Variants in ARHGEF10L observed in about 807,000 individuals in gnomAD.
ARHGEF10L encodes Rho guanine nucleotide exchange factor 10 like, also known as rho guanine nucleotide exchange factor 10-like protein.
Under a neutral mutation model 141.2 loss-of-function variants are expected in ARHGEF10L, and 69 were observed. The observed-to-expected ratio is 0.49, with a 90% CI of 0.40 to 0.60. The LOEUF (loss-of-function observed/expected upper bound fraction) is 0.60, where lower values mean the gene tolerates loss of function less well. ARHGEF10L is among the 20% of genes least tolerant of loss of function. The pLI, the probability that ARHGEF10L is intolerant of heterozygous loss-of-function variation, is 0.00. For synonymous variants in ARHGEF10L, 711 were observed against 718.5 expected (o/e 0.99, Z 0.17); for missense variants, 1,482 against 1,734.3 (o/e 0.85, Z 2.58).
chr1:17,573,524 T>A lies in ARHGEF10L; in HGVS notation c.-43-7029T>A, dbSNP rs922708954. Among the ~76,000 whole-genome samples the A allele has an allele frequency of 1.3e-5, 2 of 152,032 alleles. No homozygotes were observed. Among genetic ancestry groups the A allele is most frequent in the Admixed American group, 1.3e-4 (2 of 15,272 alleles). On this transcript the variant is annotated intron_variant, in intron 1 of 28. Transcript: ENST00000361221. The surrounding 1 kb of genome is among the most constrained non-coding windows in gnomAD (Gnocchi z 4.8). ...GGCACTTCAGCTTCTTCACTCCTTCTGCTGGGCTGGATCGCCGGGGACAAA... is the reference window on the plus strand; with the variant it reads ...GGCACTTCAGCTTCTTCACTCCTTCAGCTGGGCTGGATCGCCGGGGACAAA...
At chr1:17,567,065 G>A (rs774007401) in intron 1 of ARHGEF10L, among the ~76,000 whole-genome samples, 6 of 152,188 alleles carry the variant, frequency 3.9e-5, no homozygotes, top group East Asian at 3.9e-4. Flanking sequence ...TGGTGTCCCC[G>A]TGTCCCTGTC....
chr1:17,534,023 G>C, the ARHGEF10L span, among the ~76,000 whole-genome samples: 2 of 151,616 alleles, frequency 1.3e-5, no homozygotes, highest in African/African-American at 4.8e-5. Context: ...GTGCAGTGGC[G>C]TGATCTTGGC....
chr1:17,582,820 C>CGGG (rs1374800312), intron 2 of ARHGEF10L, among the ~76,000 whole-genome samples: 8 of 152,072 alleles, frequency 5.3e-5, no homozygotes, highest in Non-Finnish European at 1.2e-4. Context: ...TCACAGTCAC[C>CGGG]CACCCCGAAC....
rs1302925192 is a variant in ARHGEF10L at position 17,603,093 on chromosome 1, G to T, written c.350-415G>T. On this transcript the variant is annotated intron_variant, in intron 5 of 28. Transcript: ENST00000361221. The surrounding 1 kb of genome is among the most constrained non-coding windows in gnomAD (Gnocchi z 4.8). ...GTGGGTCAAGGACCGGCTCCCATCA[G>T]GGGTGGGGGCTGGTTTTCCAAGTCC... 1.3e-5 allele frequency among the ~76,000 whole-genome samples: 2 copies of T among 152,092 alleles called. No individual in the cohort carries two copies. Among genetic ancestry groups the T allele is most frequent in the Non-Finnish European group, 2.9e-5 (2 of 68,010 alleles).
chr1:17,696,772 C>A, intron 28 of ARHGEF10L, 76 bp from the exon 29 acceptor site: 1 of 1,440,388 alleles, frequency 6.9e-7, no homozygotes, highest in Non-Finnish European at 9.3e-7. Context: ...GAATGTTCTC[C>A]AGGAGAGAGA....
chr1:17,535,014 G>A (rs561399097), upstream of ARHGEF10L, among the ~76,000 whole-genome samples: 8 of 152,138 alleles, frequency 5.3e-5, no homozygotes, highest in South Asian at 2.1e-4. Flanking sequence ...TGATTCAAAC[G>A]CATTACATTT....
At chr1:17,561,543 G>T (rs2077544493) in intron 1 of ARHGEF10L, among the ~76,000 whole-genome samples, 2 of 152,228 alleles carry the variant, frequency 1.3e-5, no homozygotes, top group Admixed American at 1.3e-4. Flanking sequence ...GACAGCAGAA[G>T]TGACTTGCCC....
chr1:17,601,209 A>G (rs1453600552), intron 4 of ARHGEF10L, among the ~76,000 whole-genome samples: 1 of 152,170 alleles, frequency 6.6e-6, no homozygotes, highest in East Asian at 1.9e-4. Context: ...TAAAAACACC[A>G]TGGAGGTGAA....
intron 21 of ARHGEF10L, among the ~76,000 whole-genome samples, chr1:17,641,493 C>A (rs1365903194): frequency 6.6e-6 from 1 of 151,150 alleles, no homozygotes; most frequent in Non-Finnish European, 1.5e-5. Context: ...TAGCCTGGCA[C>A]ACGCCTGTAG....
At chr1:17,523,568 A>G in the ARHGEF10L span, among the ~76,000 whole-genome samples, 1 of 152,162 alleles carries the variant, frequency 6.6e-6, no homozygotes, top group Non-Finnish European at 1.5e-5. Context: ...TGACACTGAA[A>G]TCATCAGTCA....
rs747630646 is a variant in ARHGEF10L at position 17,627,500 on chromosome 1, C to G, written c.1581C>G (p.Asn527Lys). 3.1e-6 allele frequency: 5 copies of G among 1,611,626 alleles called. No homozygotes were observed. Residue 527 changes from asparagine to lysine, a missense_variant, in exon 15 of 29, where the codon AAC (asparagine) becomes AAG (lysine). Physicochemically the swap from Asn to Lys is moderately conservative, Grantham distance 94. This residue lies in a region of ARHGEF10L where 392 missense variants were observed against 542.1 expected (regional missense o/e 0.72). Transcript: ENST00000361221. The surrounding 1 kb of genome is among the most constrained non-coding windows in gnomAD (Gnocchi z 4.0). Reference sequence around the variant, plus strand: ...GCGTCAGTGACCGCAGCAGCCTCAACAAGGTGAGCTGGGCCTCCCACCTGC... The same window carrying G: ...GCGTCAGTGACCGCAGCAGCCTCAAGAAGGTGAGCTGGGCCTCCCACCTGC... ...TKSVSDRSSL[N>K]KLLTSGQRQL...
intron 26 of ARHGEF10L, among the ~76,000 whole-genome samples, chr1:17,665,235 C>T (rs1038917974): frequency 2.6e-5 from 4 of 152,226 alleles, no homozygotes; most frequent in African/African-American, 9.7e-5. Flanking sequence ...TGCAATGAGT[C>T]GCCACCTGGC....
chr1:17,579,538 G>C (rs1253757624), intron 1 of ARHGEF10L, among the ~76,000 whole-genome samples: 1 of 152,236 alleles, frequency 6.6e-6, no homozygotes, highest in Non-Finnish European at 1.5e-5. Context: ...TTTGTAAAGT[G>C]CTTAAAATTA....
chr1:17,605,583 A>G (rs1018752801), intron 6 of ARHGEF10L, among the ~76,000 whole-genome samples: 5 of 151,684 alleles, frequency 3.3e-5, no homozygotes, highest in Admixed American at 6.6e-5. Flanking sequence ...GGAAGGTGGT[A>G]CAGAACCCTG....
intron 26 of ARHGEF10L, among the ~76,000 whole-genome samples, chr1:17,671,975 G>A (rs191027734): frequency 6.8e-4 from 103 of 152,330 alleles, no homozygotes; most frequent in South Asian, 1.7e-3. Flanking sequence ...GCATTGCAGA[G>A]CAGCTGACCG....
intron 26 of ARHGEF10L, among the ~76,000 whole-genome samples, chr1:17,687,146 A>G (rs1388276340): frequency 6.6e-6 from 1 of 151,206 alleles, no homozygotes; most frequent in African/African-American, 2.4e-5. Flanking sequence ...ATAAACCACA[A>G]CTTCTTTCAT....
the ARHGEF10L span, among the ~76,000 whole-genome samples, chr1:17,516,003 G>A: frequency 6.6e-6 from 1 of 152,252 alleles, no homozygotes; most frequent in Non-Finnish European, 1.5e-5. Flanking sequence ...CTGCTTTGAG[G>A]CCCTGTACAG....
At chr1:17,563,192 C>A (rs1036278385) in intron 1 of ARHGEF10L, among the ~76,000 whole-genome samples, 9 of 150,636 alleles carry the variant, frequency 6.0e-5, no homozygotes, top group African/African-American at 2.2e-4. Flanking sequence ...CACACTGGGC[C>A]AGGCACAGGG....
At chr1:17,689,044 G>A (rs1033195741) in intron 27 of ARHGEF10L, among the ~76,000 whole-genome samples, 5 of 152,074 alleles carry the variant, frequency 3.3e-5, no homozygotes, top group Non-Finnish European at 7.4e-5. Context: ...CTGCGAGCTG[G>A]GGATTATCCC....
Sources: gnomAD v4.1 joint callset for allele counts (sites outside exome capture counted in the v4.1 genomes callset) on GRCh38, gnomAD v4.1.1 for gene constraint, gnomAD v4.1.1 regional missense constraint, Gnocchi (gnomAD v3.1) non-coding constraint, MANE v1.5 for transcripts, NCBI Gene and HGNC (gene_info 2026-07-23, HGNC 2026-07-21) for gene names.